The following TRIM69 variants were observed in gnomAD, a reference collection of about 807,000 sequenced individuals.
The protein encoded by TRIM69 is tripartite motif containing 69.
A neutral mutation model predicts 37.7 loss-of-function variants in TRIM69; 29 were observed. That is an observed-to-expected ratio of 0.77 (90% CI 0.57 to 1.05). The LOEUF is 1.05. TRIM69 is among the 50% of genes least tolerant of loss of function. The pLI is 0.00. For missense variants in TRIM69, 596 were observed against 579.9 expected (o/e 1.03, Z -0.28); for synonymous variants, 209 against 212.4 (o/e 0.98, Z 0.14).
At chr15:44,747,697 C>T (rs1317535104) in intron 1 of TRIM69, among the ~76,000 whole-genome samples, 1 of 152,098 alleles carries the variant, frequency 6.6e-6, no homozygotes, top group African/African-American at 2.4e-5. Context: ...GATCAGGCAT[C>T]AGCAATAGGG....
At chr15:44,742,017 G>A (rs1210177607) in intron 1 of TRIM69, among the ~76,000 whole-genome samples, 2 of 151,980 alleles carry the variant, frequency 1.3e-5, no homozygotes, top group African/African-American at 4.8e-5. Context: ...ACAACCAAAA[G>A]AGAGAATTTT....
At chr15:44,746,101 T>C (rs1652454633) in intron 1 of TRIM69, among the ~76,000 whole-genome samples, 2 of 151,940 alleles carry the variant, frequency 1.3e-5, no homozygotes, top group Admixed American at 1.3e-4. Flanking sequence ...AAGCCAAAAA[T>C]AATCTTAAAA....
At chr15:44,752,079 A>AT in intron 1 of TRIM69, among the ~76,000 whole-genome samples, 1 of 152,044 alleles carries the variant, frequency 6.6e-6, no homozygotes, top group East Asian at 1.9e-4. Flanking sequence ...TACTCATCTC[A>AT]AAGTATTTTC....
chr15:44,760,733 A>C (rs535567215), intron 6 of TRIM69, among the ~76,000 whole-genome samples: 6 of 152,268 alleles, frequency 3.9e-5, no homozygotes, highest in Admixed American at 3.9e-4. Flanking sequence ...CAAAATATAG[A>C]AGATTTTTAT....
chr15:44,755,007 G>T lies in TRIM69; in HGVS notation c.114G>T (p.Glu38Asp). ...SKVVIQDITM[E>D]LHCPLCNDWF... ...TGGTGATACAAGATATTACTATGGA[G>T]CTACACTGCCCTCTGTGCAATGATT... Residue 38 changes from glutamate (E) to aspartate (D), a missense_variant, in exon 2 of 7, where the codon GAG becomes GAT. By Grantham distance (45) the Glu-to-Asp change is conservative (BLOSUM62 2). Transcript: ENST00000329464. 6.2e-7 allele frequency: 1 copy of T among 1,614,062 alleles called. No individual in the cohort carries two copies. The highest frequency in any genetic ancestry group is 8.5e-7 in the Non-Finnish European group (1 of 1,179,924).
rs1596028487 is a variant in TRIM69 at position 44,755,180 on chromosome 15, T to C, written c.287T>C (p.Leu96Pro). The C allele has an allele frequency of 6.2e-7, 1 of 1,614,216 alleles. No individual in the cohort carries two copies. Among genetic ancestry groups the C allele is most frequent in the African/African-American group, 1.3e-5 (1 of 75,052 alleles). ...AACAACTGTACATTCAACCCTGTAC[T>C]GGACAAGTTGGTAGAGAAGATTAAG... ...QYNNCTFNPV[L>P]DKLVEKIKKL... Residue 96 changes from leucine (L) to proline (P), a missense_variant, in exon 2 of 7, where the codon CTG becomes CCG. By Grantham distance (98) the Leu-to-Pro change is moderately conservative. Transcript: ENST00000329464.
intron 1 of TRIM69, among the ~76,000 whole-genome samples, chr15:44,738,044 TTC>T: frequency 8.9e-6 from 1 of 112,898 alleles, no homozygotes; most frequent in African/African-American, 3.7e-5. Context: ...GATACATACT[TTC>T]TTTCTTTCTT....
intron 6 of TRIM69, 53 bp from the exon 7 acceptor site, chr15:44,767,178 T>A: frequency 6.8e-7 from 1 of 1,472,546 alleles, no homozygotes; most frequent in South Asian, 1.3e-5. Flanking sequence ...CTGTGGGAAT[T>A]TGTGTTTACC....
Position 44,747,305 on chromosome 15 carries a change from T to C in TRIM69, c.7-7595T>C, listed in dbSNP as rs1478630958. ...GCAAACAACCCTGCAGTGTTGATCA[T>C]GGGGAAAAAAGAACCCATGCAAACA... is the stretch of plus-strand genomic sequence containing the variant. On this transcript the variant is annotated intron_variant, in intron 1 of 6. Coordinates refer to ENST00000329464, the MANE Select transcript of TRIM69 (RefSeq NM_182985.5). Among the ~76,000 whole-genome samples, 4 of 152,218 alleles carry C rather than the reference T, an allele frequency of 2.6e-5. No homozygotes were observed. In the East Asian group the frequency reaches 5.8e-4, roughly 22 times the overall value.
chr15:44,746,069 C>CAAGAT (rs60875413), intron 1 of TRIM69, among the ~76,000 whole-genome samples: 136,867 of 151,582 alleles, frequency 0.9, 62,096 homozygotes, highest in Middle Eastern at 0.96. Context: ...AGAGCCACAC[C>CAAGAT]AAGTTATAAT....
intron 6 of TRIM69, among the ~76,000 whole-genome samples, chr15:44,765,114 C>A (rs1471372522): frequency 1.3e-5 from 2 of 152,032 alleles, no homozygotes; most frequent in African/African-American, 4.8e-5. Flanking sequence ...TAGTTCCAGG[C>A]CAGTGATATT....
chr15:44,741,256 C>G (rs1196933092), intron 1 of TRIM69, among the ~76,000 whole-genome samples: 1 of 152,190 alleles, frequency 6.6e-6, no homozygotes, highest in African/African-American at 2.4e-5. Flanking sequence ...TAAAGATGTT[C>G]TTTGAAACCA....
At position 44,759,515 on chromosome 15, in the gene TRIM69, G is replaced by T. The variant is rs921432884; in HGVS notation, c.814-125G>T. The T allele has an allele frequency of 5.6e-6, 5 of 891,502 alleles. 1 individual carries two copies. In the South Asian group the frequency reaches 8.1e-5, roughly 14 times the overall value. 55.2% of individuals were successfully genotyped at this position (891,502 alleles called of 1,614,324 possible). ...AGATTAGAAAAAGTGTATGAAGGAT[G>T]AAAGAAGTTGGTAGAGATGAGTTCG... On this transcript the variant is annotated intron_variant, in intron 4 of 6. Transcript: ENST00000329464.
chr15:44,746,148 T>G (rs1388896813), intron 1 of TRIM69, among the ~76,000 whole-genome samples: 1 of 152,102 alleles, frequency 6.6e-6, no homozygotes, highest in African/African-American at 2.4e-5. Context: ...CAAGAGAGCC[T>G]CAATAAGTTA....
rs370306802 is a variant in TRIM69 at position 44,736,649 on chromosome 15, G to T, written c.-56G>T. 2,846 of 1,607,080 alleles carry T rather than the reference G, an allele frequency of 1.8e-3. 6 individuals carry two copies. The highest frequency in any genetic ancestry group is 2.2e-3 in the Non-Finnish European group (2,645 of 1,177,164). On this transcript the variant is annotated 5_prime_UTR_variant, in exon 1 of 7. Transcript: ENST00000329464. Reference sequence around the variant, plus strand: ...GACTCCCAGTCTGCAGCCATCCTGGGCCTGCTGAGCTCTGATTCAAGTGCC... The same window carrying T: ...GACTCCCAGTCTGCAGCCATCCTGGTCCTGCTGAGCTCTGATTCAAGTGCC...
intron 6 of TRIM69, among the ~76,000 whole-genome samples, chr15:44,766,602 A>T (rs1699778986): frequency 6.6e-6 from 1 of 151,738 alleles, no homozygotes; most frequent in Non-Finnish European, 1.5e-5. Flanking sequence ...CCTAATTTTT[A>T]CCCCTTTGGC....
chr15:44,747,941 G>A (rs2087442884), intron 1 of TRIM69, among the ~76,000 whole-genome samples: 1 of 152,192 alleles, frequency 6.6e-6, no homozygotes, highest in Admixed American at 6.5e-5. Flanking sequence ...CTTCTAACGA[G>A]GAATGGGCAG....
At chr15:44,758,986 T>C in intron 4 of TRIM69, 132 bp downstream of exon 4, 1 of 1,175,494 alleles carries the variant, frequency 8.5e-7, no homozygotes, top group Non-Finnish European at 1.2e-6. Context: ...GTTATAGTGC[T>C]TTTAAGATTC....
chr15:44,765,418 G>A (rs1009011403), intron 6 of TRIM69, among the ~76,000 whole-genome samples: 1 of 152,168 alleles, frequency 6.6e-6, no homozygotes, highest in Non-Finnish European at 1.5e-5. Context: ...TATGTAAGGG[G>A]ATAGGGATTT....
Sources: allele counts gnomAD v4.1 joint callset (sites outside exome capture counted in the v4.1 genomes callset), GRCh38; gene constraint gnomAD v4.1.1; transcripts MANE v1.5; gene names NCBI Gene and HGNC (gene_info 2026-07-23, HGNC 2026-07-21).